SLCO5A1: variants seen among roughly 807,000 people sequenced by gnomAD.
SLCO5A1 encodes solute carrier organic anion transporter family member 5A1.
Under a neutral mutation model 65.1 loss-of-function variants are expected in SLCO5A1, and 39 were observed. The ratio of observed to expected loss-of-function variants is 0.60; its 90% CI spans 0.46 to 0.78. The LOEUF (loss-of-function observed/expected upper bound fraction) is 0.78. Among genes scored for constraint, SLCO5A1 ranks in the 30% least tolerant of loss-of-function variants. SLCO5A1 has a pLI of 0.00. For missense variants in SLCO5A1, 1,029 were observed against 1,069.4 expected (o/e 0.96, Z 0.53); for synonymous variants, 438 against 415.7 (o/e 1.05, Z -0.65).
At chr8:69,818,276 G>C (rs140555301) in intron 2 of SLCO5A1, among the ~76,000 whole-genome samples, 2 of 152,220 alleles carry the variant, frequency 1.3e-5, no homozygotes, top group Non-Finnish European at 2.9e-5. Flanking sequence ...AACCCAGAGA[G>C]AGAGACTTCT....
intron 5 of SLCO5A1, among the ~76,000 whole-genome samples, chr8:69,736,443 C>T (rs1816561273): frequency 6.6e-6 from 1 of 152,202 alleles, no homozygotes; most frequent in African/African-American, 2.4e-5. Context: ...CTCCCACTAA[C>T]CCTGGGGTGA....
chr8:69,804,763 C>A (rs1026491750), intron 2 of SLCO5A1, among the ~76,000 whole-genome samples: 1 of 152,148 alleles, frequency 6.6e-6, no homozygotes, highest in Non-Finnish European at 1.5e-5. Context: ...GCTACCCACT[C>A]CACCTTACAC....
intron 5 of SLCO5A1, among the ~76,000 whole-genome samples, chr8:69,736,646 G>A (rs1563691822): frequency 2.6e-5 from 4 of 152,140 alleles, no homozygotes; most frequent in Admixed American, 2.6e-4. Flanking sequence ...TCGTCTTCTG[G>A]GAGTTTCACG....
intron 2 of SLCO5A1, among the ~76,000 whole-genome samples, chr8:69,818,146 G>T (rs138811482): frequency 6.6e-6 from 1 of 152,216 alleles, no homozygotes; most frequent in Non-Finnish European, 1.5e-5. Context: ...CTAAGAAGTA[G>T]CCACAGTTTA....
At chr8:69,775,453 T>C (rs1818518302) in intron 2 of SLCO5A1, among the ~76,000 whole-genome samples, 1 of 152,082 alleles carries the variant, frequency 6.6e-6, no homozygotes, top group Admixed American at 6.6e-5. Flanking sequence ...CCCTAGAACT[T>C]AAAGTATAAT....
chr8:69,729,007 C>A (rs1816216621), intron 5 of SLCO5A1, among the ~76,000 whole-genome samples: 1 of 152,130 alleles, frequency 6.6e-6, no homozygotes, highest in South Asian at 2.1e-4. Context: ...ATCCGAGGTC[C>A]AGGGCAGGAA....
At chr8:69,686,238 A>AAAAAAAAAAAG (rs1159085565) in intron 6 of SLCO5A1, among the ~76,000 whole-genome samples, 1 of 151,854 alleles carries the variant, frequency 6.6e-6, no homozygotes, top group Non-Finnish European at 1.5e-5. Context: ...CAGCAAAAAA[A>AAAAAAAAAAAG]AGAGAGAGAA....
intron 3 of SLCO5A1, among the ~76,000 whole-genome samples, chr8:69,760,960 A>T (rs577305121): frequency 1.3e-5 from 2 of 152,374 alleles, no homozygotes; most frequent in Non-Finnish European, 2.9e-5. Context: ...ATGGAAAAGC[A>T]GGACTGGCAT....
rs977954113 is a variant in SLCO5A1 at position 69,693,129 on chromosome 8, A to G, written c.1623-10786T>C. ...TTCAGCTCCATTACAATCTTACAGG[A>G]TGACCATTGTATATGTCCATCATTG... On this transcript the variant is annotated intron_variant, in intron 6 of 9. Transcript: ENST00000260126. Among the ~76,000 whole-genome samples the G allele has an allele frequency of 2.6e-5, 4 of 152,340 alleles. No individual in the cohort carries two copies. The South Asian group carries it at 6.2e-4, about 24-fold the overall frequency.
chr8:69,696,454 C>T (rs1455549227), intron 6 of SLCO5A1, among the ~76,000 whole-genome samples: 2 of 152,186 alleles, frequency 1.3e-5, no homozygotes, highest in Admixed American at 6.5e-5. Flanking sequence ...CTGTGGGCCT[C>T]CCTGGAGATC....
At chr8:69,750,087 G>T (rs1475731503) in intron 4 of SLCO5A1, among the ~76,000 whole-genome samples, 1 of 152,254 alleles carries the variant, frequency 6.6e-6, no homozygotes, top group East Asian at 1.9e-4. Context: ...ATAAACAAGT[G>T]GGACTGAAAG....
intron 2 of SLCO5A1, among the ~76,000 whole-genome samples, chr8:69,815,388 C>A (rs1308916837): frequency 2.6e-5 from 4 of 152,082 alleles, no homozygotes; most frequent in African/African-American, 9.7e-5. Context: ...TAGACCTCCA[C>A]CTATGAAACC....
At chr8:69,826,888 G>A (rs1442913556) in intron 2 of SLCO5A1, among the ~76,000 whole-genome samples, 1 of 152,002 alleles carries the variant, frequency 6.6e-6, no homozygotes, top group African/African-American at 2.4e-5. Flanking sequence ...CAAAGACTTG[G>A]AACCAACCCA....
At chr8:69,784,949 A>AGAAAGAAG (rs1554620944) in intron 2 of SLCO5A1, among the ~76,000 whole-genome samples, 5 of 139,210 alleles carry the variant, frequency 3.6e-5, no homozygotes, top group Non-Finnish European at 7.8e-5. Context: ...AAAGAAAGAA[A>AGAAAGAAG]GAAGAAAGGA....
intron 6 of SLCO5A1, 138 bp from the exon 7 acceptor site, chr8:69,682,481 C>A: frequency 1.4e-6 from 1 of 730,662 alleles, no homozygotes; most frequent in South Asian, 3.4e-5. Flanking sequence ...CCAAAGTAGT[C>A]ATCCTCAACA....
chr8:69,745,005 A>G (rs185646538), intron 4 of SLCO5A1, among the ~76,000 whole-genome samples: 1 of 152,344 alleles, frequency 6.6e-6, no homozygotes, highest in Non-Finnish European at 1.5e-5. Flanking sequence ...CAGAAAATAT[A>G]CAATATTGTC....
chr8:69,832,089 G>A lies in SLCO5A1; in HGVS notation c.585C>T (p.Pro195=), dbSNP rs774394667. The change falls in exon 2 of 10, where the codon CCC becomes CCT. Residue 195 remains proline, a synonymous_variant. Coordinates refer to ENST00000260126, the MANE Select transcript of SLCO5A1 (RefSeq NM_030958.3). This position sits in a 1 kb window ranked among gnomAD's most constrained non-coding sequence, Gnocchi z 4.5. ...GGAGTCCACCCACGGCCAGCCACAGGGGCCGCCGACCCCGGCCGCCGAAGT... is the reference window on the plus strand; with the variant it reads ...GGAGTCCACCCACGGCCAGCCACAGAGGCCGCCGACCCCGGCCGCCGAAGT... ...VSYFGGRGRR[P]LWLAVGGLLI... is the part of the protein sequence containing the mutation. The A allele has an allele frequency of 1.5e-5, 24 of 1,613,666 alleles. No homozygotes were observed. In the Admixed American group the frequency reaches 4.0e-4, roughly 27 times the overall value.
Position 69,832,898 on chromosome 8 carries a change from G to A in SLCO5A1, c.-225C>T, listed in dbSNP as rs1049459312. 3.6e-5 allele frequency: 21 copies of A among 589,062 alleles called. No individual in the cohort carries two copies. The highest frequency in any genetic ancestry group is 6.2e-5 in the Non-Finnish European group (21 of 337,218). The allele number at this position is 589,062 out of a possible 1,614,324, so 36.5% of individuals were successfully genotyped here. On this transcript the variant is annotated 5_prime_UTR_variant, in exon 2 of 10. Coordinates refer to ENST00000260126, the MANE Select transcript of SLCO5A1 (RefSeq NM_030958.3). The surrounding 1 kb of genome is among the most constrained non-coding windows in gnomAD (Gnocchi z 4.5). ...GCTCCGCAGCCGCGTGCCACAGGGG[G>A]CAGGGGTCCGCGCGGTACTGCGATG...
At position 69,673,338 on chromosome 8, in the gene SLCO5A1, G is replaced by A; in HGVS notation, c.2090-12C>T. ...AGTAGGAATGTATGCTAGAGGGGTG[G>A]AGAAGAAGAAAATACGAAGACTTAG... On this transcript the variant is annotated splice_polypyrimidine_tract_variant and intron_variant, in intron 9 of 9. Coordinates refer to ENST00000260126, the MANE Select transcript of SLCO5A1 (RefSeq NM_030958.3). 1.3e-6 allele frequency: 2 copies of A among 1,599,452 alleles called. No individual in the cohort carries two copies.
Sources: gnomAD v4.1 joint callset for allele counts (sites outside exome capture counted in the v4.1 genomes callset) on GRCh38, gnomAD v4.1.1 for gene constraint, Gnocchi (gnomAD v3.1) non-coding constraint, MANE v1.5 for transcripts, NCBI Gene and HGNC (gene_info 2026-07-23, HGNC 2026-07-21) for gene names.